Variants in HOMER1 observed in about 807,000 individuals in gnomAD.
HOMER1 encodes the protein homer scaffold protein 1.
Under a neutral mutation model 48.9 loss-of-function variants are expected in HOMER1, and 3 were observed. The observed-to-expected ratio is 0.06, with a 90% CI of 0.03 to 0.16. The LOEUF (loss-of-function observed/expected upper bound fraction) is 0.16, where lower values mean the gene tolerates loss of function less well. Among genes scored for constraint, HOMER1 ranks in the 10% least tolerant of loss-of-function variants. The pLI is 1.00. For missense variants in HOMER1, 247 were observed against 411.4 expected (o/e 0.60, Z 3.46); for synonymous variants, 134 against 146.4 (o/e 0.92, Z 0.61).
chr5:79,427,095 T>A (rs1247441664), intron 5 of HOMER1, among the ~76,000 whole-genome samples: 3 of 152,184 alleles, frequency 2.0e-5, no homozygotes, highest in Non-Finnish European at 2.9e-5. Flanking sequence ...CAAAACTACA[T>A]GTATCCAGAA....
At chr5:79,410,760 G>A (rs986957826) in intron 5 of HOMER1, among the ~76,000 whole-genome samples, 1 of 151,440 alleles carries the variant, frequency 6.6e-6, no homozygotes, top group Non-Finnish European at 1.5e-5. Flanking sequence ...TCCTCCATTA[G>A]ACTTACATTT....
At chr5:79,471,591 T>G (rs1751623663) in intron 1 of HOMER1, among the ~76,000 whole-genome samples, 2 of 145,452 alleles carry the variant, frequency 1.4e-5, no homozygotes, top group Non-Finnish European at 3.0e-5. Flanking sequence ...AAAAATGGCC[T>G]AAAGGCCTTG....
intron 5 of HOMER1, among the ~76,000 whole-genome samples, chr5:79,410,117 A>G (rs1282037898): frequency 1.3e-5 from 2 of 152,218 alleles, no homozygotes; most frequent in Admixed American, 6.5e-5. Flanking sequence ...TAGGTATTAT[A>G]AATTTGAATC....
At chr5:79,394,557 C>T (rs532387054) in intron 8 of HOMER1, among the ~76,000 whole-genome samples, 1 of 152,222 alleles carries the variant, frequency 6.6e-6, no homozygotes, top group East Asian at 1.9e-4. Context: ...TCAATTACTG[C>T]TCTATCAATG....
intron 1 of HOMER1, among the ~76,000 whole-genome samples, chr5:79,468,665 G>A (rs989251405): frequency 1.3e-5 from 2 of 152,114 alleles, no homozygotes; most frequent in African/African-American, 4.8e-5. Flanking sequence ...TTACAAAATA[G>A]CATTACAAAC....
intron 5 of HOMER1, among the ~76,000 whole-genome samples, chr5:79,405,943 C>T (rs1350018431): frequency 6.6e-6 from 1 of 152,158 alleles, no homozygotes; most frequent in African/African-American, 2.4e-5. Context: ...ATCAGGCATG[C>T]ATATACGGTA....
At chr5:79,392,156 C>T (rs1314380023) in intron 8 of HOMER1, among the ~76,000 whole-genome samples, 1 of 152,134 alleles carries the variant, frequency 6.6e-6, no homozygotes, top group Non-Finnish European at 1.5e-5. Flanking sequence ...ATTTATTATA[C>T]TATACTATTT....
At chr5:79,503,196 T>C (rs2112377254) in intron 1 of HOMER1, among the ~76,000 whole-genome samples, 1 of 152,330 alleles carries the variant, frequency 6.6e-6, no homozygotes, top group East Asian at 1.9e-4. Flanking sequence ...TTATATACTG[T>C]ACTCATACAA....
chr5:79,466,904 G>T (rs1284586099), intron 1 of HOMER1, among the ~76,000 whole-genome samples: 1 of 151,932 alleles, frequency 6.6e-6, no homozygotes, highest in Non-Finnish European at 1.5e-5. Context: ...CAATTCTCCT[G>T]CCTCAGCCTC....
intron 5 of HOMER1, among the ~76,000 whole-genome samples, chr5:79,405,353 C>T (rs1361041996): frequency 6.6e-6 from 1 of 152,132 alleles, no homozygotes; most frequent in Non-Finnish European, 1.5e-5. Flanking sequence ...TAGTTTAAGC[C>T]ATGCAGTCTA....
intron 5 of HOMER1, among the ~76,000 whole-genome samples, chr5:79,430,502 C>T (rs1362619740): frequency 6.6e-6 from 1 of 152,194 alleles, no homozygotes; most frequent in Non-Finnish European, 1.5e-5. Flanking sequence ...AGTGATTCTA[C>T]TACTAGGTAT....
chr5:79,432,377 A>T (rs749797192), intron 5 of HOMER1, among the ~76,000 whole-genome samples: 1 of 152,222 alleles, frequency 6.6e-6, no homozygotes, highest in Non-Finnish European at 1.5e-5. Flanking sequence ...CCACACCTGT[A>T]ATTCCAGCTA....
chr5:79,506,222 A>T (rs1317061806), intron 1 of HOMER1, among the ~76,000 whole-genome samples: 1 of 152,066 alleles, frequency 6.6e-6, no homozygotes, highest in Non-Finnish European at 1.5e-5. Context: ...TCAAGCGATA[A>T]AAACTTTCAA....
At chr5:79,385,209 C>T (rs1179553196) in intron 8 of HOMER1, among the ~76,000 whole-genome samples, 1 of 152,128 alleles carries the variant, frequency 6.6e-6, no homozygotes, top group Non-Finnish European at 1.5e-5. Context: ...GCAAAGACTT[C>T]ATGTCTATGA....
In HOMER1 at chr5:79,504,153, A is replaced by AT. The variant is rs985244755; in HGVS notation, c.5+8616dup. ...AAAACAGCAGCCTGCGAGATCTAGA[A>AT]TTTTTTTTTTTAAATCAACAGAATC... On this transcript the variant is annotated intron_variant, in intron 1 of 8. Transcript: ENST00000334082. Among the ~76,000 whole-genome samples the AT allele has an allele frequency of 7.1e-4, 106 of 149,660 alleles. 1 individual carries two copies. The South Asian group carries it at 0.015, about 20-fold the overall frequency.
intron 3 of HOMER1, among the ~76,000 whole-genome samples, chr5:79,448,976 T>C (rs1036145251): frequency 6.3e-5 from 9 of 142,506 alleles, no homozygotes; most frequent in Non-Finnish European, 1.2e-4. Flanking sequence ...GAAAAAAAAT[T>C]AAAAAAAAAA....
chr5:79,507,290 T>C (rs1752805836), intron 1 of HOMER1, among the ~76,000 whole-genome samples: 1 of 144,286 alleles, frequency 6.9e-6, no homozygotes, highest in Admixed American at 6.9e-5. Context: ...TTCAGTAAGA[T>C]AGATGTGAAA....
chr5:79,474,917 T>G (rs1402385160), intron 1 of HOMER1, among the ~76,000 whole-genome samples: 1 of 152,238 alleles, frequency 6.6e-6, no homozygotes. Context: ...GCAATTTTCC[T>G]TTTATAAATT....
intron 1 of HOMER1, among the ~76,000 whole-genome samples, chr5:79,511,543 T>TA (rs1025531606): frequency 1.3e-5 from 2 of 152,224 alleles, no homozygotes; most frequent in African/African-American, 4.8e-5. Flanking sequence ...AAGCTACTAA[T>TA]AGCAGCGCTA....
Sources: gnomAD v4.1 joint callset for allele counts (sites outside exome capture counted in the v4.1 genomes callset) on GRCh38, gnomAD v4.1.1 for gene constraint, MANE v1.5 for transcripts, NCBI Gene and HGNC (gene_info 2026-07-23, HGNC 2026-07-21) for gene names.